ARID2: variants seen among roughly 807,000 people sequenced by gnomAD.
The protein encoded by ARID2 is AT-rich interaction domain 2.
In ARID2, 32 loss-of-function variants were observed where a neutral mutation model predicts 184.6. The observed-to-expected ratio is 0.17, with a 90% CI of 0.13 to 0.23. The LOEUF is 0.23. ARID2 is among the 10% of genes least tolerant of loss of function. The pLI, the probability that ARID2 is intolerant of heterozygous loss-of-function variation, is 1.00. For missense variants in ARID2, 1,696 were observed against 2,197.6 expected, an observed-to-expected ratio of 0.77 and a Z score of 4.56; for synonymous variants, 836 against 772.6, an observed-to-expected ratio of 1.08 and a Z score of -1.36.
intron 6 of ARID2, among the ~76,000 whole-genome samples, chr12:45,824,345 C>G (rs1308300621): frequency 6.6e-6 from 1 of 151,906 alleles, no homozygotes; most frequent in Non-Finnish European, 1.5e-5. Context: ...AAACTGAAAG[C>G]TTTTCCTTGA....
At chr12:45,857,856 C>T (rs1431891049) in intron 15 of ARID2, among the ~76,000 whole-genome samples, 4 of 152,046 alleles carry the variant, frequency 2.6e-5, no homozygotes, top group Non-Finnish European at 5.9e-5. Flanking sequence ...GCCTCTTGGG[C>T]TTAAGCAATC....
intron 3 of ARID2, among the ~76,000 whole-genome samples, chr12:45,761,121 G>A (rs1565585993): frequency 6.6e-6 from 1 of 152,074 alleles, no homozygotes; most frequent in African/African-American, 2.4e-5. Flanking sequence ...ACTTAGCTCT[G>A]CCATTTTATA....
intron 20 of ARID2, among the ~76,000 whole-genome samples, chr12:45,904,012 T>A (rs1163803773): frequency 6.6e-6 from 1 of 152,158 alleles, no homozygotes; most frequent in East Asian, 1.9e-4. Context: ...CAGTTCTGGG[T>A]GATTTTTACC....
intron 6 of ARID2, among the ~76,000 whole-genome samples, chr12:45,831,775 T>C (rs937086599): frequency 2.0e-5 from 3 of 152,208 alleles, no homozygotes; most frequent in Non-Finnish European, 4.4e-5. Context: ...TGAATGTTTA[T>C]ATATCCTTTC....
At chr12:45,740,296 A>G (rs909149000) in intron 3 of ARID2, among the ~76,000 whole-genome samples, 2 of 152,076 alleles carry the variant, frequency 1.3e-5, no homozygotes, top group African/African-American at 4.8e-5. Context: ...TTCCTTTTCA[A>G]AATTGTTAAA....
intron 3 of ARID2, among the ~76,000 whole-genome samples, chr12:45,741,472 C>T (rs1941255628): frequency 1.3e-5 from 2 of 152,206 alleles, no homozygotes; most frequent in African/African-American, 4.8e-5. Context: ...GTTAGGATTA[C>T]AGGCATGAGC....
rs373307243 is a variant in ARID2, at chr12:45,746,990, C to T, written c.284+15676C>T. Among the ~76,000 whole-genome samples the T allele has an allele frequency of 9.5e-4, 145 of 152,120 alleles. 3 individuals carry two copies. The South Asian group carries it at 0.027, about 29-fold the overall frequency. ...TTCACCGTGTTAGCCAGGATGTTCT[C>T]GAACTCCTGACCTTGTGATCCGCCC... On this transcript the variant is annotated intron_variant, in intron 3 of 20. Coordinates refer to ENST00000334344, the MANE Select transcript of ARID2 (RefSeq NM_152641.4).
intron 13 of ARID2, 54 bp downstream of exon 13, chr12:45,849,024 T>A: frequency 2.0e-6 from 3 of 1,507,762 alleles, no homozygotes; most frequent in Non-Finnish European, 2.7e-6. Context: ...ACAACATCTC[T>A]TGCTCTTTAA....
intron 3 of ARID2, among the ~76,000 whole-genome samples, chr12:45,774,255 T>C (rs531167505): frequency 1.3e-5 from 2 of 152,324 alleles, no homozygotes; most frequent in African/African-American, 2.4e-5. Flanking sequence ...AAATTACTTA[T>C]ATTCAGGTTT....
At chr12:45,792,446 G>A (rs1434084384) in intron 3 of ARID2, among the ~76,000 whole-genome samples, 1 of 152,092 alleles carries the variant, frequency 6.6e-6, no homozygotes, top group African/African-American at 2.4e-5. Context: ...TCAATATATG[G>A]TAAATTTTTA....
intron 3 of ARID2, among the ~76,000 whole-genome samples, chr12:45,745,975 T>C (rs1941347684): frequency 5.3e-5 from 8 of 152,142 alleles, no homozygotes. Context: ...ATAAAGCTTA[T>C]ATATTTGATA....
At chr12:45,745,218 G>T (rs1317014713) in intron 3 of ARID2, among the ~76,000 whole-genome samples, 1 of 152,180 alleles carries the variant, frequency 6.6e-6, no homozygotes, top group African/African-American at 2.4e-5. Flanking sequence ...CTAAAGACAG[G>T]AGCAAGAAGT....
At chr12:45,884,959 T>G (rs537019903) in intron 16 of ARID2, among the ~76,000 whole-genome samples, 1 of 152,200 alleles carries the variant, frequency 6.6e-6, no homozygotes, top group Non-Finnish European at 1.5e-5. Context: ...AACAGCAATA[T>G]TTTGTTTCCA....
At chr12:45,867,599 C>T (rs141423056) in intron 16 of ARID2, among the ~76,000 whole-genome samples, 14,091 of 151,326 alleles carry the variant, frequency 0.093, 2,238 homozygotes, top group African/African-American at 0.32. Flanking sequence ...AAAAATTAGC[C>T]GGGCATGGTG....
chr12:45,862,997 A>T (rs543970551), intron 16 of ARID2, among the ~76,000 whole-genome samples: 1 of 152,316 alleles, frequency 6.6e-6, no homozygotes, highest in East Asian at 1.9e-4. Flanking sequence ...GTGCCAGAAG[A>T]TAGAAATACA....
At chr12:45,867,968 A>T (rs1326543063) in intron 16 of ARID2, among the ~76,000 whole-genome samples, 2 of 152,156 alleles carry the variant, frequency 1.3e-5, no homozygotes, top group Non-Finnish European at 2.9e-5. Context: ...TTATTGCCCT[A>T]AAAATCTTTT....
chr12:45,769,056 A>G (rs1941822522), intron 3 of ARID2, among the ~76,000 whole-genome samples: 1 of 152,222 alleles, frequency 6.6e-6, no homozygotes, highest in South Asian at 2.1e-4. Flanking sequence ...GACTAAAGAA[A>G]TAACAGTAAC....
At chr12:45,755,081 G>T (rs562015916) in intron 3 of ARID2, among the ~76,000 whole-genome samples, 24 of 152,324 alleles carry the variant, frequency 1.6e-4, no homozygotes, top group Non-Finnish European at 2.9e-4. Flanking sequence ...GAACTCTGCT[G>T]CATCGGAGGC....
intron 15 of ARID2, among the ~76,000 whole-genome samples, chr12:45,856,771 T>C (rs1288470084): frequency 6.6e-6 from 1 of 152,174 alleles, no homozygotes; most frequent in Non-Finnish European, 1.5e-5. Flanking sequence ...TGAAAGTAAA[T>C]GATATACCCA....
Sources: gnomAD v4.1 joint callset for allele counts (sites outside exome capture counted in the v4.1 genomes callset) on GRCh38, gnomAD v4.1.1 for gene constraint, MANE v1.5 for transcripts, NCBI Gene and HGNC (gene_info 2026-07-23, HGNC 2026-07-21) for gene names.